The following MICU2 variants were observed in gnomAD, a reference collection of about 807,000 sequenced individuals.
MICU2 encodes the protein mitochondrial calcium uptake 2, also known as calcium uptake protein 2, mitochondrial.
Under a neutral mutation model 60.4 loss-of-function variants are expected in MICU2, and 64 were observed. The ratio of observed to expected loss-of-function variants is 1.06; its 90% CI spans 0.87 to 1.31. MICU2 has a LOEUF of 1.31. MICU2 is among the 50% of genes most tolerant of loss of function. The probability of loss-of-function intolerance (pLI) is 0.00; values close to 1 mark genes in which losing one functional copy is unlikely to be tolerated. For missense variants in MICU2, 569 were observed against 531.0 expected (o/e 1.07, Z -0.70); for synonymous variants, 201 against 175.0 (o/e 1.15, Z -1.17).
chr13:21,550,623 G>C (rs1887535850), intron 2 of MICU2, among the ~76,000 whole-genome samples: 1 of 152,118 alleles, frequency 6.6e-6, no homozygotes, highest in Admixed American at 6.5e-5. Flanking sequence ...ACGTTTAAAA[G>C]CTAGATATAG....
In MICU2 at chr13:21,513,454, C is replaced by T. The variant is rs543444710; in HGVS notation, c.663+899G>A. On this transcript the variant is annotated intron_variant, in intron 7 of 11. Transcript: ENST00000382374. ...TTAATGAGTGCTTTTAAAAAAACTA[C>T]GGGCTGGGCACAGTAGCTCACACCT... Among the ~76,000 whole-genome samples, 112 of 152,038 alleles carry T rather than the reference C, an allele frequency of 7.4e-4. 1 individual carries two copies. The Middle Eastern group carries it at 0.027, about 37-fold the overall frequency.
intron 1 of MICU2, among the ~76,000 whole-genome samples, chr13:21,585,741 C>T (rs1888441920): frequency 6.6e-6 from 1 of 152,118 alleles, no homozygotes; most frequent in South Asian, 2.1e-4. Context: ...AATTCACTTC[C>T]TAAGTTATTA....
At chr13:21,559,602 GC>G (rs1887791787) in intron 2 of MICU2, among the ~76,000 whole-genome samples, 1 of 151,376 alleles carries the variant, frequency 6.6e-6, no homozygotes, top group African/African-American at 2.4e-5. Flanking sequence ...TGGGCTCCTA[GC>G]AACCTCCACC....
At chr13:21,504,513 A>C (rs74675217) in intron 8 of MICU2, among the ~76,000 whole-genome samples, 1,647 of 152,288 alleles carry the variant, frequency 0.011, 31 homozygotes, top group African/African-American at 0.038. Context: ...AATATAAATC[A>C]ATTTATGATG....
At chr13:21,549,490 A>G (rs1887499307) in intron 2 of MICU2, among the ~76,000 whole-genome samples, 1 of 152,080 alleles carries the variant, frequency 6.6e-6, no homozygotes, top group Admixed American at 6.6e-5. Context: ...CACATGAGCA[A>G]CTCTGGCACG....
In MICU2 at chr13:21,502,262, G is replaced by C. The variant is rs139265760; in HGVS notation, c.933+664C>G. On this transcript the variant is annotated intron_variant, in intron 9 of 11. Coordinates refer to ENST00000382374, the MANE Select transcript of MICU2 (RefSeq NM_152726.3). ...TACAATAGAAGTAACTTTTTAAAAA[G>C]TTACATAAAATACATGTCCATTGTA... 2.0e-5 allele frequency among the ~76,000 whole-genome samples: 3 copies of C among 151,930 alleles called. No homozygotes were observed. In the East Asian group the frequency reaches 5.8e-4, roughly 29 times the overall value.
intron 2 of MICU2, among the ~76,000 whole-genome samples, chr13:21,558,444 C>T (rs117172193): frequency 6.6e-6 from 1 of 152,348 alleles, no homozygotes; most frequent in East Asian, 1.9e-4. Context: ...AGCCAGCCTA[C>T]AGTTTAGCCT....
chr13:21,494,861 T>TA (rs1361885806), intron 11 of MICU2, among the ~76,000 whole-genome samples: 1 of 152,152 alleles, frequency 6.6e-6, no homozygotes, highest in Non-Finnish European at 1.5e-5. Context: ...ATTTCTTTTT[T>TA]AAAAAATTAT....
chr13:21,522,111 G>C (rs1283952791), intron 5 of MICU2, among the ~76,000 whole-genome samples: 2 of 152,266 alleles, frequency 1.3e-5, no homozygotes, highest in East Asian at 1.9e-4. Context: ...AAATTAACAT[G>C]GCACAGCATT....
At chr13:21,516,954 C>T (rs1029046233) in intron 6 of MICU2, among the ~76,000 whole-genome samples, 1 of 152,196 alleles carries the variant, frequency 6.6e-6, no homozygotes. Context: ...AGAGATTGCA[C>T]TAAAACCCTG....
intron 1 of MICU2, among the ~76,000 whole-genome samples, chr13:21,578,531 G>A (rs751963542): frequency 3.3e-5 from 5 of 152,094 alleles, no homozygotes; most frequent in Admixed American, 6.5e-5. Context: ...TGAGACTGCA[G>A]TAAGCCAGTG....
intron 8 of MICU2, among the ~76,000 whole-genome samples, chr13:21,508,189 G>A (rs994633752): frequency 6.7e-6 from 1 of 150,332 alleles, no homozygotes; most frequent in East Asian, 2.0e-4. Flanking sequence ...GCAGTGGCAC[G>A]ATCCTGGCTC....
At chr13:21,598,673 A>G (rs1888748407) in intron 1 of MICU2, among the ~76,000 whole-genome samples, 1 of 152,046 alleles carries the variant, frequency 6.6e-6, no homozygotes, top group African/African-American at 2.4e-5. Flanking sequence ...TCGAGATTGC[A>G]CCACTGCACT....
intron 4 of MICU2, among the ~76,000 whole-genome samples, chr13:21,524,424 A>C (rs1191623702): frequency 1.3e-5 from 2 of 152,160 alleles, no homozygotes; most frequent in African/African-American, 4.8e-5. Flanking sequence ...TATATCTAAA[A>C]AAAACCTCCC....
At chr13:21,496,321 A>G (rs1885996234) in intron 9 of MICU2, 161 bp from the exon 10 acceptor site, 1 of 581,826 alleles carries the variant, frequency 1.7e-6, no homozygotes, top group Admixed American at 3.2e-5. Flanking sequence ...GCACACAGAA[A>G]TGGCCACACA....
At chr13:21,603,911 G>T in intron 1 of MICU2, 28 bp downstream of exon 1, 1 of 1,608,322 alleles carries the variant, frequency 6.2e-7, no homozygotes. Context: ...AGCTTGACTG[G>T]GGCTAGCAGA....
At chr13:21,592,350 T>A (rs1283344851) in intron 1 of MICU2, among the ~76,000 whole-genome samples, 1 of 152,060 alleles carries the variant, frequency 6.6e-6, no homozygotes, top group African/African-American at 2.4e-5. Context: ...AATAACAAGC[T>A]GGGAAACTGA....
chr13:21,569,777 T>C (rs1301657632), intron 1 of MICU2, among the ~76,000 whole-genome samples: 1 of 151,178 alleles, frequency 6.6e-6, no homozygotes. Context: ...GTCTCCACAA[T>C]GCCCTTAATA....
At chr13:21,514,163 G>A (rs1299101049) in intron 7 of MICU2, among the ~76,000 whole-genome samples, 190 bp downstream of exon 7, 4 of 152,192 alleles carry the variant, frequency 2.6e-5, no homozygotes, top group African/African-American at 9.7e-5. Context: ...CTGCCATAAA[G>A]TATAGCCTAT....
Sources: gnomAD v4.1 joint callset for allele counts (sites outside exome capture counted in the v4.1 genomes callset) on GRCh38, gnomAD v4.1.1 for gene constraint, MANE v1.5 for transcripts, NCBI Gene and HGNC (gene_info 2026-07-23, HGNC 2026-07-21) for gene names.